The following SLC6A13 variants were observed in gnomAD, a reference collection of about 807,000 sequenced individuals.
SLC6A13 encodes sodium- and chloride-dependent GABA transporter 2.
A neutral mutation model predicts 72.9 loss-of-function variants in SLC6A13; 69 were observed. The observed-to-expected ratio is 0.95, with a 90% confidence interval of 0.78 to 1.16. The LOEUF (loss-of-function observed/expected upper bound fraction) is 1.16, where lower values mean the gene tolerates loss of function less well. Ranked by LOEUF, SLC6A13 falls within the 50% of genes most tolerant of loss-of-function variation. The pLI, the probability that SLC6A13 is intolerant of heterozygous loss-of-function variation, is 0.00. For missense variants in SLC6A13, 735 were observed against 760.5 expected, an observed-to-expected ratio of 0.97 and a Z score of 0.39; for synonymous variants, 303 against 303.0, an observed-to-expected ratio of 1.00 and a Z score of 0.00.
At chr12:227,883 A>T (rs1941533943) in intron 7 of SLC6A13, among the ~76,000 whole-genome samples, 2 of 152,336 alleles carry the variant, frequency 1.3e-5, no homozygotes, top group South Asian at 4.1e-4. Context: ...CTAGGATAGA[A>T]CAGGCATTAG....
chr12:242,526 G>A (rs766490499), intron 4 of SLC6A13, 88 bp downstream of exon 4: 223 of 1,163,354 alleles, frequency 1.9e-4, no homozygotes, highest in Non-Finnish European at 2.5e-4. Flanking sequence ...TGGTGTGTCC[G>A]TGTTAAGCGG....
intron 2 of SLC6A13, among the ~76,000 whole-genome samples, chr12:253,073 T>G (rs1482484126): frequency 6.6e-6 from 1 of 151,700 alleles, no homozygotes; most frequent in Non-Finnish European, 1.5e-5. Flanking sequence ...GGGGGTGGAG[T>G]TCACAGTAAC....
At chr12:250,768 T>C (rs1312479531) in intron 2 of SLC6A13, among the ~76,000 whole-genome samples, 1 of 137,106 alleles carries the variant, frequency 7.3e-6, no homozygotes, top group Non-Finnish European at 1.5e-5. Context: ...ACAGACTTTT[T>C]TGTAGAAATT....
In SLC6A13 at chr12:254,563, C is replaced by T. The variant is rs991684853; in HGVS notation, c.202+5288G>A. ...TCCTCCCTGATAGAATTTCTTCACT[C>T]GACTTTCCAAAACACTTCATTCTCT... On this transcript the variant is annotated intron_variant, in intron 2 of 14. Coordinates refer to ENST00000343164, the MANE Select transcript of SLC6A13 (RefSeq NM_016615.5). This position sits in a 1 kb window ranked among gnomAD's most constrained non-coding sequence, Gnocchi z 4.4. Among the ~76,000 whole-genome samples, 4 of 152,186 alleles carry T rather than the reference C, an allele frequency of 2.6e-5. No individual in the cohort carries two copies. The highest frequency in any genetic ancestry group is 2.0e-4 in the Admixed American group (3 of 15,280).
At chr12:236,980 A>C (rs939032439) in intron 6 of SLC6A13, 178 bp downstream of exon 6, 3 of 650,030 alleles carry the variant, frequency 4.6e-6, no homozygotes, top group Non-Finnish European at 2.6e-6. Context: ...AGTCCCAAAA[A>C]CCAGAAGTAT....
intron 1 of SLC6A13, among the ~76,000 whole-genome samples, chr12:262,081 T>C (rs911241686): frequency 2.0e-5 from 3 of 152,186 alleles, no homozygotes; most frequent in African/African-American, 7.2e-5. Flanking sequence ...AGGTACTGAC[T>C]GTGCTGGCCT....
At chr12:221,942 G>A (rs569816247) in intron 13 of SLC6A13, among the ~76,000 whole-genome samples, 10 of 152,334 alleles carry the variant, frequency 6.6e-5, no homozygotes, top group African/African-American at 2.2e-4. Flanking sequence ...TGGGGAGCTC[G>A]GGAACAGCTG....
Position 226,429 on chromosome 12 carries a change from G to A in SLC6A13, c.1021C>T (p.Gln341Ter), listed in dbSNP as rs748929613. The A allele has an allele frequency of 1.6e-5, 26 of 1,614,050 alleles. No homozygotes were observed. In the South Asian group the frequency reaches 2.9e-4, roughly 18 times the overall value. ...TCAGAAATGGGCACCCCCTGCTCCT[G>A]AGACATGAAGCCCAGGATGGAGAAG... Reference protein sequence around the residue: ...AIFSILGFMSQEQGVPISEVA... With the variant: ...AIFSILGFMS Residue 341 changes from glutamine (Q) to a stop codon, truncating the protein, a stop_gained, in exon 9 of 15, where the codon CAG (glutamine) becomes TAG (stop). Transcript: ENST00000343164. LOFTEE classifies it high-confidence loss of function.
Position 237,215 on chromosome 12 carries a change from C to T in SLC6A13, c.639G>A (p.Leu213=), listed in dbSNP as rs899650977. ...AGAAGTAGCAGATGACCCAGGCCAG[C>T]AGGAGGCACAGAGCCAGCTCCCAGC... The part of the protein sequence containing the change: ...ALRWELALCL[L]LAWVICYFCI... The change falls in exon 6 of 15, where the codon CTG becomes CTA. Residue 213 remains leucine, a synonymous_variant. Transcript: ENST00000343164. 1.2e-6 allele frequency: 2 copies of T among 1,613,968 alleles called. No individual in the cohort carries two copies. The highest frequency in any genetic ancestry group is 2.7e-5 in the African/African-American group (2 of 74,900).
intron 2 of SLC6A13, 22 bp from the exon 3 acceptor site, chr12:243,835 T>C (rs370333536): frequency 1.3e-4 from 216 of 1,610,954 alleles, no homozygotes; most frequent in Non-Finnish European, 1.8e-4. Flanking sequence ...AAACAGGCTG[T>C]TCATTTCCTG....
At chr12:228,950 C>A (rs2137264748) in intron 7 of SLC6A13, among the ~76,000 whole-genome samples, 1 of 152,284 alleles carries the variant, frequency 6.6e-6, no homozygotes, top group South Asian at 2.1e-4. Context: ...AGGGGTGCAC[C>A]CAGGGCACCC....
chr12:260,063 AAAC>A lies in SLC6A13; in HGVS notation c.-5-9_-5-7del. 6.2e-7 allele frequency: 1 copy of A among 1,610,792 alleles called. No individual in the cohort carries two copies. Among genetic ancestry groups the A allele is most frequent in the Non-Finnish European group, 8.5e-7 (1 of 1,177,340 alleles). On this transcript the variant is annotated splice_region_variant and splice_polypyrimidine_tract_variant and intron_variant, in intron 1 of 14. Transcript: ENST00000343164. ...GACCCTGCTATCCATCCCACCTGGAAAACAAGTGGGATGCTCTGTTACTGTTGG... is the reference window on the plus strand; with the variant it reads ...GACCCTGCTATCCATCCCACCTGGAAAAGTGGGATGCTCTGTTACTGTTGG...
intron 4 of SLC6A13, among the ~76,000 whole-genome samples, chr12:239,153 C>T (rs111751277): frequency 1.0e-4 from 15 of 149,828 alleles, no homozygotes; most frequent in African/African-American, 3.5e-4. Flanking sequence ...TGCTCTACCA[C>T]GTCCACCCTG....
chr12:255,795 G>A (rs1942722971), intron 2 of SLC6A13, among the ~76,000 whole-genome samples: 1 of 152,134 alleles, frequency 6.6e-6, no homozygotes, highest in Non-Finnish European at 1.5e-5. Context: ...TGGCCAACCT[G>A]ACATACCTGA....
At chr12:237,017 A>AG (rs1275227321) in intron 6 of SLC6A13, 141 bp downstream of exon 6, 7 of 892,666 alleles carry the variant, frequency 7.8e-6, no homozygotes, top group Middle Eastern at 3.6e-4. Flanking sequence ...CGGAGAATCA[A>AG]GGAAGGGAGC....
chr12:221,416 C>T lies in SLC6A13; in HGVS notation c.1646G>A (p.Ser549Asn). The T allele has an allele frequency of 1.2e-6, 2 of 1,612,630 alleles. No individual in the cohort carries two copies. The highest frequency in any genetic ancestry group is 1.7e-6 in the Non-Finnish European group (2 of 1,179,324). ...CTTGAGGGTTCCGAGTCTGTAGAGGCTCCAGGCAGGAATGCAGACCATGGA... is the reference window on the plus strand; with the variant it reads ...CTTGAGGGTTCCGAGTCTGTAGAGGTTCCAGGCAGGAATGCAGACCATGGA... ...LSSMVCIPAWSLYRLGTLKGP... is the reference protein window; with the variant it reads ...LSSMVCIPAWNLYRLGTLKGP... Residue 549 changes from serine to asparagine, a missense_variant, in exon 14 of 15, where the codon AGC (serine) becomes AAC (asparagine). By Grantham distance (46) the Ser-to-Asn change is conservative. Transcript: ENST00000343164.
At chr12:247,199 CTATA>C in intron 2 of SLC6A13, among the ~76,000 whole-genome samples, 1 of 150,394 alleles carries the variant, frequency 6.6e-6, no homozygotes, top group Non-Finnish European at 1.5e-5. Flanking sequence ...TTTATGAAAA[CTATA>C]AACCTATAGA....
At chr12:262,088 G>C (rs1222390962) in intron 1 of SLC6A13, among the ~76,000 whole-genome samples, 1 of 152,132 alleles carries the variant, frequency 6.6e-6, no homozygotes, top group Admixed American at 6.5e-5. Flanking sequence ...GACTGTGCTG[G>C]CCTCCCCTCC....
intron 1 of SLC6A13, 76 bp downstream of exon 1, chr12:262,713 G>GT (rs1434543711): frequency 2.0e-6 from 2 of 984,946 alleles, no homozygotes; most frequent in East Asian, 1.1e-4. Flanking sequence ...TCCTTTGGTT[G>GT]TAAGTCCCAT....
Sources: allele counts gnomAD v4.1 joint callset (sites outside exome capture counted in the v4.1 genomes callset), GRCh38; gene constraint gnomAD v4.1.1; non-coding constraint Gnocchi (gnomAD v3.1); transcripts MANE v1.5; gene names NCBI Gene and HGNC (gene_info 2026-07-23, HGNC 2026-07-21).